Variants in PTGES3 observed in about 807,000 individuals in gnomAD.
The protein encoded by PTGES3 is Hsp90 co-chaperone.
PTGES3 carries 5 observed loss-of-function variants against 29.9 expected under a neutral mutation model. The ratio of observed to expected loss-of-function variants is 0.17; its 90% CI spans 0.09 to 0.35. The LOEUF is 0.35. Ranked by LOEUF, PTGES3 falls within the 10% of genes least tolerant of loss-of-function variation. The pLI, the probability that PTGES3 is intolerant of heterozygous loss-of-function variation, is 1.00. For synonymous variants in PTGES3, 49 were observed against 57.8 expected, an observed-to-expected ratio of 0.85 and a Z score of 0.69; for missense variants, 128 against 190.0, an observed-to-expected ratio of 0.67 and a Z score of 1.92.
At chr12:56,674,402 C>T (rs555516319) in intron 1 of PTGES3, among the ~76,000 whole-genome samples, 2 of 152,230 alleles carry the variant, frequency 1.3e-5, no homozygotes, top group East Asian at 3.9e-4. Context: ...CTTATGAAAG[C>T]CTTAGCAGGC....
chr12:56,665,284 CTTT>C (rs59007550), intron 6 of PTGES3: 31,320 of 773,300 alleles, frequency 0.041, no homozygotes, highest in Non-Finnish European at 0.043. Flanking sequence ...CAATGTCCAT[CTTT>C]TTTTTTTTTT....
At chr12:56,686,977 G>GT (rs1952894900) in intron 1 of PTGES3, 1 of 142,930 alleles carries the variant, frequency 7.0e-6, no homozygotes, top group Admixed American at 9.9e-5. Context: ...TTAGGACGTA[G>GT]TTAGTACCTT....
chr12:56,669,356 C>A (rs1951909468), intron 5 of PTGES3, among the ~76,000 whole-genome samples: 1 of 152,124 alleles, frequency 6.6e-6, no homozygotes, highest in Non-Finnish European at 1.5e-5. Flanking sequence ...CTACGCCCAG[C>A]TAATTTTGTT....
intron 1 of PTGES3, among the ~76,000 whole-genome samples, chr12:56,684,238 A>C (rs1489480689): frequency 6.6e-6 from 1 of 152,196 alleles, no homozygotes; most frequent in Non-Finnish European, 1.5e-5. Flanking sequence ...GAGAAAATCC[A>C]ATTAGTCAGG....
intron 1 of PTGES3, among the ~76,000 whole-genome samples, chr12:56,676,950 T>G (rs936950926): frequency 3.4e-4 from 38 of 110,482 alleles, no homozygotes; most frequent in Non-Finnish European, 3.5e-4. Flanking sequence ...AAAAAAATAG[T>G]GCTGGCTAAG....
At chr12:56,687,775 G>C in intron 1 of PTGES3, 1 of 1,380,396 alleles carries the variant, frequency 7.2e-7, no homozygotes, top group Non-Finnish European at 9.3e-7. Flanking sequence ...TCCGGCATGG[G>C]GAAGCCAAGG....
intron 5 of PTGES3, 151 bp from the exon 6 acceptor site, chr12:56,666,417 A>AAG: frequency 9.7e-7 from 1 of 1,025,688 alleles, no homozygotes; most frequent in Non-Finnish European, 1.3e-6. Flanking sequence ...TGGAAAAGGA[A>AAG]GATTATAGGT....
intron 1 of PTGES3, among the ~76,000 whole-genome samples, chr12:56,677,869 G>A (rs1952331220): frequency 6.6e-6 from 1 of 152,114 alleles, no homozygotes; most frequent in Non-Finnish European, 1.5e-5. Context: ...AATATCCCAA[G>A]GTAGTTGTGA....
chr12:56,687,799 T>C (rs910025719), intron 1 of PTGES3, 199 bp downstream of exon 1: 62 of 1,429,054 alleles, frequency 4.3e-5, no homozygotes, highest in Non-Finnish European at 5.5e-5. Context: ...GGTTCAGGGG[T>C]GGGGGAAGCA....
intron 1 of PTGES3, among the ~76,000 whole-genome samples, chr12:56,674,999 G>T (rs7975783): frequency 0.67 from 71,430 of 107,244 alleles, 24,093 homozygotes; most frequent in South Asian, 0.76. Flanking sequence ...AGTGAAACTC[G>T]GTCTCAAAAA....
chr12:56,673,605 C>G (rs1354900331), intron 1 of PTGES3, among the ~76,000 whole-genome samples: 2 of 150,386 alleles, frequency 1.3e-5, no homozygotes, highest in Non-Finnish European at 3.0e-5. Flanking sequence ...ACCAGCCTGA[C>G]CAACATGGTG....
At chr12:56,679,118 G>C (rs1289543598) in intron 1 of PTGES3, among the ~76,000 whole-genome samples, 3 of 151,682 alleles carry the variant, frequency 2.0e-5, no homozygotes, top group African/African-American at 7.3e-5. Flanking sequence ...CCCTGACTTA[G>C]AGAAGCATGG....
At chr12:56,687,124 A>C in intron 1 of PTGES3, 1 of 816,472 alleles carries the variant, frequency 1.2e-6, no homozygotes, top group Non-Finnish European at 1.6e-6. Context: ...TCGTAAAATG[A>C]AGACTGCCAT....
intron 5 of PTGES3, among the ~76,000 whole-genome samples, chr12:56,669,357 T>G (rs1423510949): frequency 6.6e-6 from 1 of 152,134 alleles, no homozygotes; most frequent in Non-Finnish European, 1.5e-5. Flanking sequence ...TACGCCCAGC[T>G]AATTTTGTTC....
intron 1 of PTGES3, among the ~76,000 whole-genome samples, chr12:56,674,115 A>G: frequency 6.6e-6 from 1 of 152,170 alleles, no homozygotes; most frequent in Non-Finnish European, 1.5e-5. Flanking sequence ...TGAAGTCCTA[A>G]CCCCCAGTAC....
At chr12:56,670,990 T>C (rs1193949519) in intron 4 of PTGES3, among the ~76,000 whole-genome samples, 1 of 152,036 alleles carries the variant, frequency 6.6e-6, no homozygotes, top group Non-Finnish European at 1.5e-5. Flanking sequence ...ATTCCTACAA[T>C]CCTAGCTATT....
intron 1 of PTGES3, among the ~76,000 whole-genome samples, chr12:56,677,056 G>A (rs10747769): frequency 0.62 from 94,469 of 151,324 alleles, 29,939 homozygotes; most frequent in South Asian, 0.75. Context: ...GCCAACCACC[G>A]TGGTGAAATC....
chr12:56,686,352 A>G (rs1193389256), intron 1 of PTGES3, among the ~76,000 whole-genome samples: 3 of 145,242 alleles, frequency 2.1e-5, no homozygotes, highest in East Asian at 4.1e-4. Flanking sequence ...AGAAAAGCAA[A>G]AACTATTTTA....
At chr12:56,681,806 G>A (rs973977175) in intron 1 of PTGES3, among the ~76,000 whole-genome samples, 3 of 149,120 alleles carry the variant, frequency 2.0e-5, no homozygotes, top group Non-Finnish European at 4.5e-5. Context: ...GCAGTGAGCC[G>A]AAATCACACC....
Sources: gnomAD v4.1 joint callset for allele counts (sites outside exome capture counted in the v4.1 genomes callset) on GRCh38, gnomAD v4.1.1 for gene constraint, MANE v1.5 for transcripts, NCBI Gene and HGNC (gene_info 2026-07-23, HGNC 2026-07-21) for gene names.